BIRC7: variants seen among roughly 807,000 people sequenced by gnomAD.
The protein encoded by BIRC7 is baculoviral IAP repeat-containing protein 7.
A neutral mutation model predicts 33.2 loss-of-function variants in BIRC7; 26 were observed. The observed-to-expected ratio is 0.78, with a 90% CI of 0.57 to 1.09. The LOEUF is 1.09. Among genes scored for constraint, BIRC7 ranks in the 50% least tolerant of loss-of-function variants. The pLI is 0.00. For missense variants in BIRC7, 409 were observed against 401.2 expected (o/e 1.02, Z -0.17); for synonymous variants, 176 against 171.0 (o/e 1.03, Z -0.23).
In BIRC7 at chr20:63,236,385, T is replaced by G; in HGVS notation, c.289T>G (p.Trp97Gly). The G allele has an allele frequency of 1.3e-6, 2 of 1,573,856 alleles. No homozygotes were observed. Among genetic ancestry groups the G allele is most frequent in the Non-Finnish European group, 8.6e-7 (1 of 1,156,618 alleles). ...EELRLASFYDWPLTAEVPPEL... is the reference protein window; with the variant it reads ...EELRLASFYDGPLTAEVPPEL... ...GTTGCGTCTGGCCTCCTTCTATGAC[T>G]GGCCGCTGACTGCTGAGGTGCCACC... The change falls in exon 1 of 7, where the codon TGG (tryptophan) becomes GGG (glycine). Residue 97 changes from tryptophan (W) to glycine (G), a missense_variant. Physicochemically the swap from Trp to Gly is radical, Grantham distance 184 (BLOSUM62 -2). Coordinates refer to ENST00000217169, the MANE Select transcript of BIRC7 (RefSeq NM_139317.3).
Position 63,236,140 on chromosome 20 carries a change from A to G in BIRC7, c.44A>G (p.Gln15Arg). ...GCCAAGTGCCTGCACCGTGGACCACAGCCGAGCCACTGGGCAGCCGGTGAT... is the reference window on the plus strand; with the variant it reads ...GCCAAGTGCCTGCACCGTGGACCACGGCCGAGCCACTGGGCAGCCGGTGAT... Reference protein sequence around the residue: ...DSAKCLHRGPQPSHWAAGDGP... With the variant: ...DSAKCLHRGPRPSHWAAGDGP... Residue 15 changes from glutamine (Q) to arginine (R), a missense_variant, in exon 1 of 7, where the codon CAG becomes CGG. Gln to Arg is a conservative substitution (Grantham distance 43). Transcript: ENST00000217169. The G allele has an allele frequency of 6.3e-7, 1 of 1,581,840 alleles. No individual in the cohort carries two copies. The highest frequency in any genetic ancestry group is 8.6e-7 in the Non-Finnish European group (1 of 1,163,638).
At chr20:63,237,579 C>T (rs565506733) in intron 1 of BIRC7, among the ~76,000 whole-genome samples, 1 of 152,080 alleles carries the variant, frequency 6.6e-6, no homozygotes, top group African/African-American at 2.4e-5. Flanking sequence ...CCTTCTGGCT[C>T]CTGAAGCCCC....
At chr20:63,239,665 C>T (rs945901298) in intron 6 of BIRC7, 55 bp downstream of exon 6, 39 of 1,521,520 alleles carry the variant, frequency 2.6e-5, no homozygotes, top group South Asian at 8.6e-5. Context: ...GGCCCTGAGC[C>T]GGCTGTGCCC....
At position 63,240,415 on chromosome 20, in the gene BIRC7, C is replaced by G. The variant is rs903244592; in HGVS notation, c.*165C>G. ...ACCGCCCAGGGTGGAGAAGGAGGCC[C>G]TTGCTTGGCGTGGGGGATGGCTTAA... On this transcript the variant is annotated 3_prime_UTR_variant, in exon 7 of 7. Transcript: ENST00000217169. 2 of 152,674 alleles carry G rather than the reference C, an allele frequency of 1.3e-5. No homozygotes were observed. Among genetic ancestry groups the G allele is most frequent in the Non-Finnish European group, 2.9e-5 (2 of 68,402 alleles). The allele number at this position is 152,674 out of a possible 1,614,324, so 9.5% of individuals were successfully genotyped here.
intron 1 of BIRC7, 54 bp from the exon 2 acceptor site, chr20:63,237,849 G>A: frequency 6.7e-7 from 1 of 1,488,844 alleles, no homozygotes; most frequent in South Asian, 1.3e-5. Context: ...GACACACCGG[G>A]GGCCCGGGGA....
Position 63,237,958 on chromosome 20 carries a change from G to C in BIRC7, c.405G>C (p.Lys135Asn). Reference protein sequence around the residue: ...FFCYGGLQSWKRGDDPWTEHA... With the variant: ...FFCYGGLQSWNRGDDPWTEHA... ...GCTATGGGGGCCTGCAGAGCTGGAA[G>C]CGCGGGGACGACCCCTGGACGGAGC... Residue 135 changes from lysine (K) to asparagine (N), a missense_variant, in exon 2 of 7, where the codon AAG becomes AAC. Coordinates refer to ENST00000217169, the MANE Select transcript of BIRC7 (RefSeq NM_139317.3). The C allele has an allele frequency of 6.2e-7, 1 of 1,609,112 alleles. No individual in the cohort carries two copies. The highest frequency in any genetic ancestry group is 8.5e-7 in the Non-Finnish European group (1 of 1,178,632).
At chr20:63,239,690 C>G in intron 6 of BIRC7, 80 bp downstream of exon 6, 1 of 1,458,664 alleles carries the variant, frequency 6.9e-7, no homozygotes. Flanking sequence ...CTCCTGAACC[C>G]ATGCAGGCCC....
rs1431141201 is a variant in BIRC7 at position 63,239,408 on chromosome 20, C to T, written c.700C>T (p.Pro234Ser). Residue 234 changes from proline to serine, a missense_variant, in exon 6 of 7, where the codon CCA becomes TCA. Pro to Ser is a moderately conservative substitution (Grantham distance 74, BLOSUM62 -1). Transcript: ENST00000217169. ...GAGGGCGTGGTGGGTTCTTGAGCCC[C>T]CAGGAGCCAGGGATGTGGAGGCGCA... is the stretch of plus-strand genomic sequence containing the variant. ...AQRAWWVLEP[P>S]GARDVEAQLR... 6.2e-7 allele frequency: 1 copy of T among 1,605,594 alleles called. No individual in the cohort carries two copies. The highest frequency in any genetic ancestry group is 2.2e-5 in the East Asian group (1 of 44,874).
rs771321879 is a variant in BIRC7 at position 63,238,455 on chromosome 20, A to G, written c.509A>G (p.His170Arg). The part of the protein sequence containing the change: ...RDFVHSVQET[H>R]SQLLGSWDPW... ...TTTGTCCACAGTGTGCAGGAGACTC[A>G]CTCCCAGCTGCTGGGCTCCTGGGTG... is the stretch of plus-strand genomic sequence containing the variant. Residue 170 changes from histidine to arginine, a missense_variant, in exon 3 of 7, where the codon CAC becomes CGC. Transcript: ENST00000217169. 11 of 1,612,552 alleles carry G rather than the reference A, an allele frequency of 6.8e-6. No homozygotes were observed. The African/African-American group carries it at 1.3e-4, about 20-fold the overall frequency.
In BIRC7 at chr20:63,238,186, G is replaced by A. The variant is rs766345451; in HGVS notation, c.449+184G>A. ...ACTTTTCCTGTGAGGGCCCCTTTTC[G>A]GAAGGGCTGCTGGGGGCAGAAATGC... On this transcript the variant is annotated intron_variant, in intron 2 of 6. Coordinates refer to ENST00000217169, the MANE Select transcript of BIRC7 (RefSeq NM_139317.3). The A allele has an allele frequency of 9.1e-5, 77 of 848,036 alleles. 1 individual carries two copies. The South Asian group carries it at 1.0e-3, about 11-fold the overall frequency. The allele number at this position is 848,036 out of a possible 1,614,324, so 52.5% of individuals were successfully genotyped here. A position where few individuals can be genotyped will look rare whatever the true frequency, so the allele number is the denominator to read the frequency against.
intron 6 of BIRC7, 23 bp from the exon 7 acceptor site, chr20:63,240,233 A>C (rs1601260154): frequency 6.5e-6 from 1 of 153,630 alleles, no homozygotes; most frequent in Non-Finnish European, 1.4e-5. Flanking sequence ...CCATTGACTC[A>C]CCCACCCCTC....
intron 4 of BIRC7, 118 bp downstream of exon 4, chr20:63,238,732 G>A (rs1307260661): frequency 7.2e-7 from 1 of 1,387,248 alleles, no homozygotes; most frequent in East Asian, 2.3e-5. Context: ...ACGTGACAGG[G>A]TGTGACGCTG....
At chr20:63,236,982 C>T (rs1303645655) in intron 1 of BIRC7, among the ~76,000 whole-genome samples, 2 of 152,240 alleles carry the variant, frequency 1.3e-5, no homozygotes, top group African/African-American at 2.4e-5. Flanking sequence ...AGTCTTGGCC[C>T]GGGCCTGCTC....
rs373997317 is a variant in BIRC7, at chr20:63,239,147, C to A, written c.578-15C>A. 1.2e-6 allele frequency: 2 copies of A among 1,611,572 alleles called. No homozygotes were observed. Among genetic ancestry groups the A allele is most frequent in the Non-Finnish European group, 1.7e-6 (2 of 1,179,250 alleles). The stretch of plus-strand genomic sequence containing the variant: ...CTTGGGAGTTAGGCCTCAAGTCTAT[C>A]CTAACTGTCCACAGTCCCTGCCTCT... On this transcript the variant is annotated splice_polypyrimidine_tract_variant and intron_variant, in intron 4 of 6. Transcript: ENST00000217169.
intron 1 of BIRC7, 47 bp from the exon 2 acceptor site, chr20:63,237,856 G>A: frequency 6.6e-7 from 1 of 1,521,822 alleles, no homozygotes; most frequent in Non-Finnish European, 8.8e-7. Context: ...CGGGGGCCCG[G>A]GGACTGGGTG....
chr20:63,238,812 T>G, intron 4 of BIRC7, 198 bp downstream of exon 4: 1 of 728,332 alleles, frequency 1.4e-6, no homozygotes, highest in Non-Finnish European at 2.2e-6. Flanking sequence ...CCTCCCCCAG[T>G]GCCAGGCCCC....
rs752190785 is a variant in BIRC7, at chr20:63,239,540, G to A, written c.832G>A (p.Gly278Ser). ...GHLVCAECAP[G>S]LQLCPICRAP... ...CCTGGTCTGTGCTGAGTGTGCCCCC[G>A]GCCTGCAGCTGTGCCCCATCTGCAG... Residue 278 changes from glycine to serine, a missense_variant, in exon 6 of 7, where the codon GGC becomes AGC. Physicochemically the swap from Gly to Ser is moderately conservative, Grantham distance 56. Coordinates refer to ENST00000217169, the MANE Select transcript of BIRC7 (RefSeq NM_139317.3). 1.6e-5 allele frequency: 26 copies of A among 1,604,010 alleles called. No individual in the cohort carries two copies. The highest frequency in any genetic ancestry group is 2.2e-5 in the East Asian group (1 of 44,846).
chr20:63,237,044 C>T (rs936889153), intron 1 of BIRC7, among the ~76,000 whole-genome samples: 1 of 152,284 alleles, frequency 6.6e-6, no homozygotes, highest in Non-Finnish European at 1.5e-5. Context: ...CAGGTCCCAG[C>T]TCTGCCACTT....
chr20:63,236,540 C>A, intron 1 of BIRC7, 95 bp downstream of exon 1: 1 of 1,431,596 alleles, frequency 7.0e-7, no homozygotes, highest in Non-Finnish European at 9.2e-7. Context: ...AGCATCCATC[C>A]CCCAACAGGA....
Sources: gnomAD v4.1 joint callset for allele counts (sites outside exome capture counted in the v4.1 genomes callset) on GRCh38, gnomAD v4.1.1 for gene constraint, MANE v1.5 for transcripts, NCBI Gene and HGNC (gene_info 2026-07-23, HGNC 2026-07-21) for gene names.